Variants in OPCML observed in about 807,000 individuals in gnomAD.
OPCML encodes opioid-binding protein/cell adhesion molecule.
A neutral mutation model predicts 37.8 loss-of-function variants in OPCML; 13 were observed. The observed-to-expected ratio is 0.34, with a 90% CI of 0.22 to 0.55. The LOEUF (loss-of-function observed/expected upper bound fraction) is 0.55, where lower values mean the gene tolerates loss of function less well. OPCML is among the 20% of genes least tolerant of loss of function. OPCML has a pLI of 0.91. For synonymous variants in OPCML, 176 were observed against 168.8 expected, an observed-to-expected ratio of 1.04 and a Z score of -0.33; for missense variants, 341 against 435.6, an observed-to-expected ratio of 0.78 and a Z score of 1.93.
intron 1 of OPCML, among the ~76,000 whole-genome samples, chr11:133,517,758 G>A (rs1948313985): frequency 1.3e-5 from 2 of 152,242 alleles, no homozygotes; most frequent in African/African-American, 4.8e-5. Flanking sequence ...AGAACAAGGT[G>A]TTTCTGAAGA....
intron 1 of OPCML, among the ~76,000 whole-genome samples, chr11:133,390,967 A>G (rs921130363): frequency 6.6e-6 from 1 of 150,788 alleles, no homozygotes; most frequent in African/African-American, 2.4e-5. Context: ...CCCGATGCTT[A>G]TGTGCAGCTT....
intron 1 of OPCML, chr11:133,361,022 C>T (rs1944401482): frequency 6.6e-6 from 1 of 152,458 alleles, no homozygotes. Flanking sequence ...CGGCCTTGCG[C>T]TTCGTGCTCT....
intron 2 of OPCML, among the ~76,000 whole-genome samples, chr11:132,762,028 G>A (rs996557881): frequency 3.3e-5 from 5 of 152,096 alleles, no homozygotes; most frequent in South Asian, 2.1e-4. Flanking sequence ...TGATGCTCTC[G>A]CTTTCTGTTT....
intron 1 of OPCML, among the ~76,000 whole-genome samples, chr11:133,426,685 A>G (rs1246231026): frequency 6.6e-6 from 1 of 152,212 alleles, no homozygotes; most frequent in Admixed American, 6.5e-5. Context: ...GGAAAGAAAC[A>G]CAGCGAGAGA....
chr11:132,886,907 C>G (rs1315487526), intron 2 of OPCML, among the ~76,000 whole-genome samples: 2 of 152,162 alleles, frequency 1.3e-5, no homozygotes, highest in Non-Finnish European at 2.9e-5. Context: ...TCGCAGAATG[C>G]CAGTGGCTCA....
chr11:132,715,594 A>G (rs989240585), intron 2 of OPCML, among the ~76,000 whole-genome samples: 2 of 152,142 alleles, frequency 1.3e-5, no homozygotes, highest in African/African-American at 2.4e-5. Flanking sequence ...AGTGCTTTTT[A>G]AAAAAGAGGA....
intron 1 of OPCML, among the ~76,000 whole-genome samples, chr11:133,046,915 C>T (rs771916662): frequency 3.3e-5 from 5 of 151,698 alleles, no homozygotes; most frequent in Admixed American, 6.6e-5. Context: ...AGTTAGGAGC[C>T]GGGGAGTGGA....
At chr11:133,321,966 C>A (rs1379244994) in intron 1 of OPCML, among the ~76,000 whole-genome samples, 1 of 152,144 alleles carries the variant, frequency 6.6e-6, no homozygotes, top group Non-Finnish European at 1.5e-5. Context: ...CAGCAGAAGT[C>A]TTCTGCTGAA....
In OPCML at chr11:133,108,931, G is replaced by A. The variant is rs763857558; in HGVS notation, c.62-165921C>T. Among the ~76,000 whole-genome samples the A allele has an allele frequency of 9.1e-4, 139 of 152,164 alleles. 2 individuals are homozygous for A. The highest frequency in any genetic ancestry group is 2.9e-4 in the Non-Finnish European group (20 of 68,036). ...GCAGGAAGCCTGACTCCACTGCTCA[G>A]GGCCCTTTGCAGGCCTCATGAGGAC... On this transcript the variant is annotated intron_variant, in intron 1 of 7. Coordinates refer to ENST00000524381, the MANE Select transcript of OPCML (RefSeq NM_001012393.5).
chr11:132,641,128 G>A (rs1940828203), intron 3 of OPCML, among the ~76,000 whole-genome samples: 1 of 152,124 alleles, frequency 6.6e-6, no homozygotes, highest in African/African-American at 2.4e-5. Flanking sequence ...GGAGAAGCTG[G>A]GTGAGGCCTC....
At chr11:132,893,260 T>TCAAAA (rs1383436067) in intron 2 of OPCML, among the ~76,000 whole-genome samples, 1 of 152,120 alleles carries the variant, frequency 6.6e-6, no homozygotes, top group Non-Finnish European at 1.5e-5. Context: ...AGACTCCGTC[T>TCAAAA]CAAAACAAAA....
chr11:133,076,604 A>T (rs1333368866), intron 1 of OPCML, among the ~76,000 whole-genome samples: 4 of 152,280 alleles, frequency 2.6e-5, no homozygotes, highest in Admixed American at 1.3e-4. Flanking sequence ...CCTCCACTGT[A>T]ACACAGAAAG....
chr11:133,198,921 G>T (rs1938647780), intron 1 of OPCML, among the ~76,000 whole-genome samples: 1 of 152,144 alleles, frequency 6.6e-6, no homozygotes, highest in Non-Finnish European at 1.5e-5. Flanking sequence ...ATCCATCTCT[G>T]TATCTTAAAA....
chr11:133,492,810 G>A (rs1317759715), intron 1 of OPCML, among the ~76,000 whole-genome samples: 1 of 152,108 alleles, frequency 6.6e-6, no homozygotes, highest in Non-Finnish European at 1.5e-5. Context: ...GAAACTTGAG[G>A]GAATGTCCTA....
chr11:132,838,793 C>T (rs1253452549), intron 2 of OPCML, among the ~76,000 whole-genome samples: 2 of 152,120 alleles, frequency 1.3e-5, no homozygotes, highest in Non-Finnish European at 2.9e-5. Context: ...ATTCATGGCA[C>T]GGCCGCCGCC....
intron 1 of OPCML, among the ~76,000 whole-genome samples, chr11:133,201,850 T>G (rs1297405955): frequency 3.3e-5 from 5 of 152,236 alleles, no homozygotes; most frequent in Admixed American, 2.0e-4. Context: ...CAAACTTATC[T>G]GCCAGTATTT....
At chr11:133,203,126 C>T (rs952237825) in intron 1 of OPCML, among the ~76,000 whole-genome samples, 1 of 152,208 alleles carries the variant, frequency 6.6e-6, no homozygotes, top group African/African-American at 2.4e-5. Flanking sequence ...TGATAAATAA[C>T]AAAGCCCGTG....
At chr11:133,495,591 C>T (rs567365360) in intron 1 of OPCML, among the ~76,000 whole-genome samples, 227 of 152,226 alleles carry the variant, frequency 1.5e-3, no homozygotes, top group Non-Finnish European at 2.4e-3. Flanking sequence ...TTTATTATGG[C>T]CATTCTTGCA....
At chr11:133,076,016 C>A (rs1285669191) in intron 1 of OPCML, among the ~76,000 whole-genome samples, 1 of 152,144 alleles carries the variant, frequency 6.6e-6, no homozygotes, top group African/African-American at 2.4e-5. Flanking sequence ...CTCCCATGTA[C>A]ATTGGTATTA....
Sources: allele counts gnomAD v4.1 joint callset (sites outside exome capture counted in the v4.1 genomes callset), GRCh38; gene constraint gnomAD v4.1.1; transcripts MANE v1.5; gene names NCBI Gene and HGNC (gene_info 2026-07-23, HGNC 2026-07-21).